YTHDF2: variants seen among roughly 807,000 people sequenced by gnomAD.
YTHDF2 encodes the protein YTH N6-methyladenosine RNA binding protein F2.
In YTHDF2, 2 loss-of-function variants were observed where a neutral mutation model predicts 50.4. The ratio of observed to expected loss-of-function variants is 0.04; its 90% CI spans 0.02 to 0.12. The LOEUF (loss-of-function observed/expected upper bound fraction) is 0.12. YTHDF2 is among the 10% of genes least tolerant of loss of function. The pLI is 1.00. For synonymous variants in YTHDF2, 217 were observed against 255.6 expected, an observed-to-expected ratio of 0.85 and a Z score of 1.44; for missense variants, 483 against 722.6, an observed-to-expected ratio of 0.67 and a Z score of 3.80.
chr1:28,737,242 C>G, intron 1 of YTHDF2, 95 bp downstream of exon 1: 1 of 1,444,058 alleles, frequency 6.9e-7, no homozygotes, highest in Non-Finnish European at 9.2e-7. Flanking sequence ...CCGAGCCGAG[C>G]CGAGGCGTCG....
intron 4 of YTHDF2, among the ~76,000 whole-genome samples, chr1:28,758,978 G>T (rs991533293): frequency 5.9e-5 from 9 of 152,160 alleles, no homozygotes; most frequent in African/African-American, 2.2e-4. Context: ...AACTGAATTA[G>T]AAATTTTATT....
Position 28,738,332 on chromosome 1 carries a change from A to G in YTHDF2, c.126A>G (p.Ala42=), listed in dbSNP as rs752919560. The change falls in exon 3 of 5, where the codon GCA becomes GCG. Residue 42 remains alanine (A), a synonymous_variant. Coordinates refer to ENST00000373812, the MANE Select transcript of YTHDF2 (RefSeq NM_016258.3). ...DDFEPYLSPQ[A]RPNNAYTAMS... is the part of the protein sequence containing the mutation. ...TTGAACCTTACTTGAGTCCACAGGC[A>G]AGGCCCGTGAGTAGTTAACTATTTA... 1 of 1,613,524 alleles carries G rather than the reference A, an allele frequency of 6.2e-7. No individual in the cohort carries two copies. Among genetic ancestry groups the G allele is most frequent in the Non-Finnish European group, 8.5e-7 (1 of 1,179,410 alleles).
chr1:28,747,121 A>G (rs1170657491), intron 4 of YTHDF2, among the ~76,000 whole-genome samples: 1 of 152,154 alleles, frequency 6.6e-6, no homozygotes, highest in African/African-American at 2.4e-5. Flanking sequence ...ATGTATTTTG[A>G]TTATGTTTGC....
intron 4 of YTHDF2, among the ~76,000 whole-genome samples, chr1:28,752,045 CAT>C (rs2087962517): frequency 6.6e-6 from 1 of 152,200 alleles, no homozygotes; most frequent in South Asian, 2.1e-4. Flanking sequence ...TCCAAAGTCT[CAT>C]AGCTAGTAAG....
At chr1:28,744,077 CTG>C in intron 4 of YTHDF2, 91 bp downstream of exon 4, 3 of 1,332,150 alleles carry the variant, frequency 2.3e-6, no homozygotes, top group South Asian at 1.7e-5. Context: ...AATAAAAACT[CTG>C]TAAATGAATA....
intron 4 of YTHDF2, 77 bp downstream of exon 4, chr1:28,744,063 C>T (rs549270289): frequency 2.4e-5 from 34 of 1,397,612 alleles, no homozygotes; most frequent in Admixed American, 1.8e-4. Context: ...TATAGTGAAC[C>T]GTTAATAAAA....
At chr1:28,756,545 C>T (rs138616536) in intron 4 of YTHDF2, among the ~76,000 whole-genome samples, 12 of 152,000 alleles carry the variant, frequency 7.9e-5, no homozygotes, top group Admixed American at 7.9e-4. Context: ...CCAGAAGATA[C>T]CTGAAGCATC....
At chr1:28,757,065 G>C (rs914735021) in intron 4 of YTHDF2, among the ~76,000 whole-genome samples, 8 of 152,168 alleles carry the variant, frequency 5.3e-5, no homozygotes, top group Non-Finnish European at 4.4e-5. Context: ...CCAAATTCTA[G>C]TTCCAGTGGG....
At chr1:28,748,340 C>T (rs2087895947) in intron 4 of YTHDF2, among the ~76,000 whole-genome samples, 1 of 152,118 alleles carries the variant, frequency 6.6e-6, no homozygotes, top group Non-Finnish European at 1.5e-5. Flanking sequence ...GGGCTCATAG[C>T]TCATTGAGAT....
chr1:28,740,365 GTGAT>G (rs1199469362), intron 3 of YTHDF2: 1 of 152,176 alleles, frequency 6.6e-6, no homozygotes, highest in Non-Finnish European at 1.5e-5. Flanking sequence ...GGCATAACCT[GTGAT>G]ATTAAGTGCA....
intron 4 of YTHDF2, among the ~76,000 whole-genome samples, chr1:28,746,257 C>G (rs528684782): frequency 1.3e-5 from 2 of 152,084 alleles, no homozygotes; most frequent in South Asian, 4.1e-4. Flanking sequence ...TGTGTACTAT[C>G]TTATTAATCT....
intron 2 of YTHDF2, 159 bp downstream of exon 2, chr1:28,737,841 C>T: frequency 7.3e-6 from 6 of 819,884 alleles, no homozygotes; most frequent in Non-Finnish European, 1.1e-5. Flanking sequence ...TGTGTTCTTG[C>T]AGCTGGCGAA....
intron 4 of YTHDF2, among the ~76,000 whole-genome samples, chr1:28,764,878 T>A (rs2088194235): frequency 6.6e-6 from 1 of 152,086 alleles, no homozygotes; most frequent in African/African-American, 2.4e-5. Context: ...TTTGTTTTTT[T>A]TTTAAGATGA....
At chr1:28,757,742 A>G (rs1223869377) in intron 4 of YTHDF2, among the ~76,000 whole-genome samples, 1 of 151,852 alleles carries the variant, frequency 6.6e-6, no homozygotes. Flanking sequence ...AAACAAAAGA[A>G]ATCACCTGTA....
chr1:28,738,319 T>G lies in YTHDF2; in HGVS notation c.113T>G (p.Leu38Trp). 6.2e-7 allele frequency: 1 copy of G among 1,614,108 alleles called. No homozygotes were observed. Among genetic ancestry groups the G allele is most frequent in the Non-Finnish European group, 8.5e-7 (1 of 1,179,980 alleles). ...AACGATGATGATTTTGAACCTTACT[T>G]GAGTCCACAGGCAAGGCCCGTGAGT... ...GLNDDDFEPYLSPQARPNNAY... is the reference protein window; with the variant it reads ...GLNDDDFEPYWSPQARPNNAY... The change falls in exon 3 of 5, where the codon TTG becomes TGG. Residue 38 changes from leucine to tryptophan, a missense_variant. Leu to Trp is a moderately conservative substitution (Grantham distance 61). Coordinates refer to ENST00000373812, the MANE Select transcript of YTHDF2 (RefSeq NM_016258.3).
intron 4 of YTHDF2, among the ~76,000 whole-genome samples, chr1:28,765,895 G>A (rs761866096): frequency 6.6e-6 from 1 of 152,202 alleles, no homozygotes; most frequent in Non-Finnish European, 1.5e-5. Flanking sequence ...GTATTTTAGT[G>A]TGTAGTTCCC....
chr1:28,759,058 A>C (rs2088075891), intron 4 of YTHDF2, among the ~76,000 whole-genome samples: 1 of 152,138 alleles, frequency 6.6e-6, no homozygotes, highest in Admixed American at 6.5e-5. Context: ...TTAGTACAAA[A>C]AGTACCCTCT....
In YTHDF2 at chr1:28,768,966, A is replaced by G. The variant is rs900628890; in HGVS notation, c.*14A>G. 3.2e-6 allele frequency: 5 copies of G among 1,583,366 alleles called. No individual in the cohort carries two copies. Among genetic ancestry groups the G allele is most frequent in the Non-Finnish European group, 4.3e-6 (5 of 1,163,606 alleles). ...CGTGGGAAATAAAAGGCAGTTCTACACAGACTGCAGCAACGGTTGCATCTG... is the reference window on the plus strand; with the variant it reads ...CGTGGGAAATAAAAGGCAGTTCTACGCAGACTGCAGCAACGGTTGCATCTG... On this transcript the variant is annotated 3_prime_UTR_variant, in exon 5 of 5. Transcript: ENST00000373812.
At chr1:28,742,132 C>T (rs2087785908) in intron 3 of YTHDF2, among the ~76,000 whole-genome samples, 2 of 150,878 alleles carry the variant, frequency 1.3e-5, no homozygotes, top group South Asian at 2.1e-4. Flanking sequence ...TCACTGCAAC[C>T]TCCGCCTCCT....
Sources: gnomAD v4.1 joint callset for allele counts (sites outside exome capture counted in the v4.1 genomes callset) on GRCh38, gnomAD v4.1.1 for gene constraint, MANE v1.5 for transcripts, NCBI Gene and HGNC (gene_info 2026-07-23, HGNC 2026-07-21) for gene names.